Variants in SRPK2 observed in about 807,000 individuals in gnomAD.
SRPK2 encodes SFRS protein kinase 2.
In SRPK2, 21 loss-of-function variants were observed where a neutral mutation model predicts 90.8. The ratio of observed to expected loss-of-function variants is 0.23; its 90% CI spans 0.16 to 0.33. The LOEUF (loss-of-function observed/expected upper bound fraction) is 0.33. Ranked by LOEUF, SRPK2 falls within the 10% of genes least tolerant of loss-of-function variation. The pLI is 1.00. For missense variants in SRPK2, 620 were observed against 869.0 expected, an observed-to-expected ratio of 0.71 and a Z score of 3.60; for synonymous variants, 288 against 311.1, an observed-to-expected ratio of 0.93 and a Z score of 0.78.
At chr7:105,349,680 T>G (rs922566544) in intron 2 of SRPK2, among the ~76,000 whole-genome samples, 1 of 152,066 alleles carries the variant, frequency 6.6e-6, no homozygotes. Context: ...AAACCAGAGA[T>G]AACTGAACAG....
In SRPK2 at chr7:105,247,712, AT is replaced by A. The variant is rs199927526; in HGVS notation, c.72-43928del. Among the ~76,000 whole-genome samples the A allele has an allele frequency of 1.5e-3, 110 of 72,792 alleles. 1 individual carries two copies. The Middle Eastern group carries it at 0.018, about 12-fold the overall frequency. The allele number at this position is 72,792 out of a possible 152,430, so 47.8% of individuals were successfully genotyped here. A position where few individuals can be genotyped will look rare whatever the true frequency, so the allele number is the denominator to read the frequency against. On this transcript the variant is annotated intron_variant, in intron 2 of 15. Transcript: ENST00000393651. ...TTTTAATTGACTGTATTAACCACCTATTTTTTTTAAAAAAAAGTTTTTTATT... is the reference window on the plus strand; with the variant it reads ...TTTTAATTGACTGTATTAACCACCTATTTTTTTAAAAAAAAGTTTTTTATT...
chr7:105,379,015 G>C lies in SRPK2; in HGVS notation c.71+9633C>G, dbSNP rs894728340. Among the ~76,000 whole-genome samples, 3 of 151,716 alleles carry C rather than the reference G, an allele frequency of 2.0e-5. No individual in the cohort carries two copies. The East Asian group carries it at 5.8e-4, about 29-fold the overall frequency. On this transcript the variant is annotated intron_variant, in intron 2 of 15. Coordinates refer to ENST00000393651, the MANE Select transcript of SRPK2 (RefSeq NM_182692.3). ...CTACAAAAAATTTTAAAATCAGCTG[G>C]GCATGGTGGTGCTCACATGTAGTCC... is the stretch of plus-strand genomic sequence containing the variant.
chr7:105,163,425 C>T (rs1344290751), intron 6 of SRPK2, among the ~76,000 whole-genome samples: 1 of 151,954 alleles, frequency 6.6e-6, no homozygotes, highest in African/African-American at 2.4e-5. Context: ...AAATGAATAA[C>T]CGGTTTTAAG....
At chr7:105,398,570 G>C (rs1163253299) in intron 1 of SRPK2, among the ~76,000 whole-genome samples, 1 of 151,960 alleles carries the variant, frequency 6.6e-6, no homozygotes, top group Non-Finnish European at 1.5e-5. Flanking sequence ...TTTTAGTAGA[G>C]ACTAAAATTT....
chr7:105,124,616 G>A (rs986992895), intron 15 of SRPK2, among the ~76,000 whole-genome samples: 8 of 75,482 alleles, frequency 1.1e-4, no homozygotes, highest in Non-Finnish European at 2.3e-4. Context: ...ACTCCAGCCT[G>A]GACAACAAGA....
intron 2 of SRPK2, among the ~76,000 whole-genome samples, chr7:105,367,738 A>G (rs996040938): frequency 6.6e-6 from 1 of 152,232 alleles, no homozygotes; most frequent in African/African-American, 2.4e-5. Context: ...AGTGCCGTGT[A>G]CAGTCTGTAC....
chr7:105,163,472 G>A (rs190862471), intron 6 of SRPK2, among the ~76,000 whole-genome samples: 32 of 151,998 alleles, frequency 2.1e-4, no homozygotes, highest in African/African-American at 7.2e-4. Context: ...AGCCTGCAGC[G>A]GCAGACCATT....
intron 2 of SRPK2, among the ~76,000 whole-genome samples, chr7:105,321,857 T>G (rs1201571825): frequency 6.6e-6 from 1 of 152,194 alleles, no homozygotes; most frequent in Non-Finnish European, 1.5e-5. Context: ...GGTGGGAATA[T>G]AAAATGGTAT....
intron 2 of SRPK2, among the ~76,000 whole-genome samples, chr7:105,300,897 G>C (rs997284103): frequency 6.6e-6 from 1 of 152,140 alleles, no homozygotes; most frequent in African/African-American, 2.4e-5. Flanking sequence ...GAGAAAACAG[G>C]AACACTTTTA....
At chr7:105,183,047 C>G (rs1434902913) in intron 3 of SRPK2, among the ~76,000 whole-genome samples, 3 of 152,076 alleles carry the variant, frequency 2.0e-5, no homozygotes, top group Non-Finnish European at 4.4e-5. Flanking sequence ...ATCACGGGAT[C>G]CACAAACATT....
At chr7:105,235,067 ATTC>A (rs3831555) in intron 2 of SRPK2, among the ~76,000 whole-genome samples, 27,514 of 152,066 alleles carry the variant, frequency 0.18, 3,127 homozygotes, top group East Asian at 0.58. Flanking sequence ...GCCCAAGCCA[ATTC>A]TTCTTCTTCC....
At chr7:105,258,110 CA>C (rs113541840) in intron 2 of SRPK2, among the ~76,000 whole-genome samples, 5 of 145,894 alleles carry the variant, frequency 3.4e-5, no homozygotes, top group Admixed American at 6.8e-5. Context: ...TCTCCAAAAA[CA>C]AAAAAAAAAG....
At chr7:105,324,001 G>A (rs937820615) in intron 2 of SRPK2, among the ~76,000 whole-genome samples, 2 of 149,050 alleles carry the variant, frequency 1.3e-5, no homozygotes, top group Non-Finnish European at 3.0e-5. Flanking sequence ...GTGTGTGTGT[G>A]TGTGTGTGTG....
At chr7:105,349,274 G>A (rs1053927369) in intron 2 of SRPK2, among the ~76,000 whole-genome samples, 22 of 152,094 alleles carry the variant, frequency 1.4e-4, no homozygotes, top group Non-Finnish European at 2.8e-4. Flanking sequence ...TGTAATCCCA[G>A]CACTTTGGGA....
intron 2 of SRPK2, among the ~76,000 whole-genome samples, chr7:105,386,436 G>A (rs12669532): frequency 0.19 from 28,473 of 151,962 alleles, 3,382 homozygotes; most frequent in East Asian, 0.58. Flanking sequence ...GATTCAGGTC[G>A]GGCACGGTGG....
chr7:105,397,870 A>G (rs1382367718), intron 1 of SRPK2, among the ~76,000 whole-genome samples: 1 of 151,140 alleles, frequency 6.6e-6, no homozygotes, highest in African/African-American at 2.4e-5. Flanking sequence ...CTGGTCTTGA[A>G]CTCCTGACCT....
rs528078516 is a variant in SRPK2, at chr7:105,152,134, A to G, written c.622-5476T>C. Among the ~76,000 whole-genome samples, 15 of 151,904 alleles carry G rather than the reference A, an allele frequency of 9.9e-5. No homozygotes were observed. In the East Asian group the frequency reaches 2.5e-3, roughly 25 times the overall value. On this transcript the variant is annotated intron_variant, in intron 7 of 15. Transcript: ENST00000393651. ...ATCCCAGCAACAAAACTTTGATTCCATAATTTAATTTTGAACTACTTTTTT... is the reference window on the plus strand; with the variant it reads ...ATCCCAGCAACAAAACTTTGATTCCGTAATTTAATTTTGAACTACTTTTTT...
chr7:105,246,359 G>A (rs555989213), intron 2 of SRPK2, among the ~76,000 whole-genome samples: 2 of 152,088 alleles, frequency 1.3e-5, no homozygotes, highest in East Asian at 1.9e-4. Context: ...CTTTCATTAC[G>A]GTCAGGAAAG....
At chr7:105,159,462 A>AAAACAAAAAAAAAAAC (rs1236124900) in intron 7 of SRPK2, among the ~76,000 whole-genome samples, 1 of 147,804 alleles carries the variant, frequency 6.8e-6, no homozygotes, top group African/African-American at 2.5e-5. Context: ...AAAAAAAAAA[A>AAAACAAAAAAAAAAAC]AAAAAAAAAA....
Sources: gnomAD v4.1 joint callset for allele counts (sites outside exome capture counted in the v4.1 genomes callset) on GRCh38, gnomAD v4.1.1 for gene constraint, MANE v1.5 for transcripts, NCBI Gene and HGNC (gene_info 2026-07-23, HGNC 2026-07-21) for gene names.